Variants in KIF16B observed in about 807,000 individuals in gnomAD.
KIF16B encodes the protein kinesin family member 16B.
KIF16B carries 98 observed loss-of-function variants against 156.3 expected under a neutral mutation model. The ratio of observed to expected loss-of-function variants is 0.63; its 90% CI spans 0.53 to 0.74. The LOEUF (loss-of-function observed/expected upper bound fraction) is 0.74, where lower values mean the gene tolerates loss of function less well. Among genes scored for constraint, KIF16B ranks in the 30% least tolerant of loss-of-function variants. The pLI is 0.00. For synonymous variants in KIF16B, 564 were observed against 583.7 expected (o/e 0.97, Z 0.49); for missense variants, 1,421 against 1,606.5 (o/e 0.88, Z 1.97).
chr20:16,565,707 A>C (rs2071227770), intron 1 of KIF16B, among the ~76,000 whole-genome samples: 2 of 152,230 alleles, frequency 1.3e-5, no homozygotes, highest in Non-Finnish European at 2.9e-5. Flanking sequence ...CGCAGAGCTG[A>C]TAACTCACCT....
intron 24 of KIF16B, among the ~76,000 whole-genome samples, chr20:16,329,845 C>T (rs2063918151): frequency 6.6e-6 from 1 of 152,138 alleles, no homozygotes; most frequent in Non-Finnish European, 1.5e-5. Flanking sequence ...ATTTAAAAAA[C>T]CCTGAGTAAT....
At chr20:16,474,817 CAG>C (rs2067765303) in intron 12 of KIF16B, among the ~76,000 whole-genome samples, 1 of 152,184 alleles carries the variant, frequency 6.6e-6, no homozygotes, top group Non-Finnish European at 1.5e-5. Flanking sequence ...GAGGGAAAAA[CAG>C]AGACAACTTC....
chr20:16,412,976 G>T (rs983907291), intron 15 of KIF16B, among the ~76,000 whole-genome samples: 1 of 151,934 alleles, frequency 6.6e-6, no homozygotes, highest in African/African-American at 2.4e-5. Context: ...AAATCTCGGT[G>T]TGGTTAAGGA....
chr20:16,467,245 C>T (rs2067516830), intron 12 of KIF16B, among the ~76,000 whole-genome samples: 1 of 152,168 alleles, frequency 6.6e-6, no homozygotes. Context: ...AACAGGGGCA[C>T]AAGCTCACCA....
intron 1 of KIF16B, among the ~76,000 whole-genome samples, chr20:16,554,807 C>T (rs2070788372): frequency 6.6e-6 from 1 of 152,236 alleles, no homozygotes; most frequent in Non-Finnish European, 1.5e-5. Context: ...ACCACATTCC[C>T]CAGTGCCAGC....
intron 11 of KIF16B, among the ~76,000 whole-genome samples, chr20:16,494,679 G>A (rs1013011878): frequency 2.6e-5 from 4 of 152,018 alleles, no homozygotes; most frequent in Non-Finnish European, 1.5e-5. Context: ...CCCATTAAAT[G>A]GATTAATTTT....
At chr20:16,409,972 T>TATATATATATATATATATGTAGGTAC (rs2065883778) in intron 15 of KIF16B, among the ~76,000 whole-genome samples, 2 of 27,506 alleles carry the variant, frequency 7.3e-5, no homozygotes, top group African/African-American at 1.8e-4. Context: ...TATATATACA[T>TATATATATATATATATATGTAGGTAC]ATATATATAT....
At chr20:16,552,475 G>A (rs1193439209) in intron 1 of KIF16B, among the ~76,000 whole-genome samples, 2 of 152,126 alleles carry the variant, frequency 1.3e-5, no homozygotes, top group Non-Finnish European at 2.9e-5. Flanking sequence ...CACTACACCT[G>A]TTGTCCCAGG....
intron 12 of KIF16B, among the ~76,000 whole-genome samples, chr20:16,446,690 C>G (rs1188267204): frequency 6.6e-6 from 1 of 151,944 alleles, no homozygotes; most frequent in Non-Finnish European, 1.5e-5. Flanking sequence ...CTAAAAAGTC[C>G]CTGGATTCTA....
At chr20:16,443,174 A>C (rs112919156) in intron 12 of KIF16B, among the ~76,000 whole-genome samples, 3 of 148,894 alleles carry the variant, frequency 2.0e-5, no homozygotes, top group Non-Finnish European at 4.4e-5. Flanking sequence ...AGAAGAGAGA[A>C]TATAACCCCC....
At chr20:16,326,452 CA>C (rs1180317487) in intron 24 of KIF16B, among the ~76,000 whole-genome samples, 18 of 126,322 alleles carry the variant, frequency 1.4e-4, no homozygotes, top group East Asian at 4.6e-4. Flanking sequence ...AAGAAATCAG[CA>C]AAAAAAAAAG....
intron 1 of KIF16B, among the ~76,000 whole-genome samples, chr20:16,545,408 T>C (rs1264814927): frequency 2.7e-5 from 4 of 150,612 alleles, no homozygotes; most frequent in Non-Finnish European, 5.9e-5. Flanking sequence ...CTCCCGCCTG[T>C]AATCCCAGCA....
rs1568947612 is a variant in KIF16B, at chr20:16,409,965, A to ATG, written c.1613-3510_1613-3509insCA. The stretch of plus-strand genomic sequence containing the variant: ...CTTACCTACATATATATATATATAT[A>ATG]TATACATATATATATATATATATAT... On this transcript the variant is annotated intron_variant, in intron 15 of 25. Transcript: ENST00000354981. Among the ~76,000 whole-genome samples the ATG allele has an allele frequency of 1.4e-3, 43 of 30,694 alleles. 3 individuals carry two copies. The highest frequency in any genetic ancestry group is 5.5e-3 in the African/African-American group (39 of 7,034). 20.1% of individuals were successfully genotyped at this position (30,694 alleles called of 152,430 possible). A position where few individuals can be genotyped will look rare whatever the true frequency, so the allele number is the denominator to read the frequency against.
rs772713798 is a variant in KIF16B at position 16,378,987 on chromosome 20, C to T, written c.3015G>A (p.Leu1005=). 1.2e-5 allele frequency: 20 copies of T among 1,613,968 alleles called. No homozygotes were observed. The highest frequency in any genetic ancestry group is 8.5e-7 in the Non-Finnish European group (1 of 1,179,958). ...ESREKQQREA[L]ERALARLERR... ...TCTCCAGCCTGGCCAGGGCCCGCTC[C>T]AGCGCCTCTCTCTGCTGCTTCTCTC... Residue 1005 remains leucine, a synonymous_variant, in exon 19 of 26, where the codon CTG becomes CTA. Transcript: ENST00000354981.
At chr20:16,400,571 G>A (rs1454804626) in intron 17 of KIF16B, among the ~76,000 whole-genome samples, 1 of 152,192 alleles carries the variant, frequency 6.6e-6, no homozygotes, top group Non-Finnish European at 1.5e-5. Flanking sequence ...CATGTTCATA[G>A]CAGCATTATT....
intron 23 of KIF16B, among the ~76,000 whole-genome samples, chr20:16,354,763 G>A (rs2064404386): frequency 6.6e-6 from 1 of 152,294 alleles, no homozygotes; most frequent in Admixed American, 6.5e-5. Flanking sequence ...GGCTAACACA[G>A]TGCAAACCCT....
Position 16,304,792 on chromosome 20 carries a change from G to A in KIF16B, c.3795+7543C>T, listed in dbSNP as rs566536909. Reference sequence around the variant, plus strand: ...ATTTTTACTTCTTGATATTTACTTTGAAACCAAAAAGGCTCAATCTATAAA... The same window carrying A: ...ATTTTTACTTCTTGATATTTACTTTAAAACCAAAAAGGCTCAATCTATAAA... On this transcript the variant is annotated intron_variant, in intron 25 of 25. Coordinates refer to ENST00000354981, the MANE Select transcript of KIF16B (RefSeq NM_024704.5). Among the ~76,000 whole-genome samples, 6 of 152,186 alleles carry A rather than the reference G, an allele frequency of 3.9e-5. No individual in the cohort carries two copies. In the South Asian group the frequency reaches 1.0e-3, roughly 26 times the overall value.
At position 16,315,306 on chromosome 20, in the gene KIF16B, C is replaced by G. The variant is rs563813043; in HGVS notation, c.3712-2888G>C. 2.0e-5 allele frequency among the ~76,000 whole-genome samples: 3 copies of G among 152,220 alleles called. No homozygotes were observed. The East Asian group carries it at 5.8e-4, about 29-fold the overall frequency. ...GAAAAGGCCAATTCTAAGTGACTTT[C>G]AGGCCTATAATCACAGGACCATGAT... is the stretch of plus-strand genomic sequence containing the variant. On this transcript the variant is annotated intron_variant, in intron 24 of 25. Transcript: ENST00000354981.
At chr20:16,273,848 C>A (rs2063020261) in intron 25 of KIF16B, among the ~76,000 whole-genome samples, 1 of 152,130 alleles carries the variant, frequency 6.6e-6, no homozygotes, top group South Asian at 2.1e-4. Context: ...TCAGACCAAC[C>A]AGAGAAGACG....
Sources: gnomAD v4.1 joint callset for allele counts (sites outside exome capture counted in the v4.1 genomes callset) on GRCh38, gnomAD v4.1.1 for gene constraint, MANE v1.5 for transcripts, NCBI Gene and HGNC (gene_info 2026-07-23, HGNC 2026-07-21) for gene names.